Variants in PRKCZ observed in about 807,000 individuals in gnomAD.
PRKCZ encodes protein kinase C zeta, also known as protein kinase C zeta type.
In PRKCZ, 33 loss-of-function variants were observed where a neutral mutation model predicts 79.5. That is an observed-to-expected ratio of 0.41 (90% confidence interval 0.31 to 0.55). The LOEUF (loss-of-function observed/expected upper bound fraction) is 0.55. Among genes scored for constraint, PRKCZ ranks in the 20% least tolerant of loss-of-function variants. The probability of loss-of-function intolerance (pLI) is 0.19; values close to 1 mark genes in which losing one functional copy is unlikely to be tolerated. For synonymous variants in PRKCZ, 342 were observed against 320.9 expected (o/e 1.07, Z -0.70); for missense variants, 578 against 813.5 (o/e 0.71, Z 3.52).
At chr1:2,088,767 G>A (rs998715638) in intron 4 of PRKCZ, among the ~76,000 whole-genome samples, 4 of 152,196 alleles carry the variant, frequency 2.6e-5, no homozygotes, top group African/African-American at 9.7e-5. Flanking sequence ...ACAGACTCCA[G>A]CTGGGGCTCA....
In PRKCZ at chr1:2,128,954, C is replaced by G. The variant is rs975486587; in HGVS notation, c.335-6308C>G. Among the ~76,000 whole-genome samples, 6 of 152,130 alleles carry G rather than the reference C, an allele frequency of 3.9e-5. No homozygotes were observed. Among genetic ancestry groups the G allele is most frequent in the South Asian group, 2.1e-4 (1 of 4,834 alleles). ...CACTCCCCAGAAGGGCTCCCTTCTCCTTTTCACAGCGCTGTCTGTCGCTTA... is the reference window on the plus strand; with the variant it reads ...CACTCCCCAGAAGGGCTCCCTTCTCGTTTTCACAGCGCTGTCTGTCGCTTA... On this transcript the variant is annotated intron_variant, in intron 4 of 17. Transcript: ENST00000378567. This position sits in a 1 kb window ranked among gnomAD's most constrained non-coding sequence, Gnocchi z 6.5.
At chr1:2,109,602 C>G (rs899272442) in intron 4 of PRKCZ, among the ~76,000 whole-genome samples, 3 of 152,144 alleles carry the variant, frequency 2.0e-5, no homozygotes, top group African/African-American at 7.2e-5. Context: ...GTGGCTTCAG[C>G]GAGAGTCCAT....
chr1:2,124,685 CATAG>C (rs1673524372), intron 4 of PRKCZ, among the ~76,000 whole-genome samples: 1 of 152,108 alleles, frequency 6.6e-6, no homozygotes, highest in South Asian at 2.1e-4. Flanking sequence ...GAGACAGTTC[CATAG>C]GTCTTGATTG....
chr1:2,158,117 G>A (rs113249997), intron 10 of PRKCZ, among the ~76,000 whole-genome samples: 2 of 152,140 alleles, frequency 1.3e-5, no homozygotes, highest in Non-Finnish European at 2.9e-5. Flanking sequence ...GCCGTTCCCC[G>A]ACCTGCTCTA....
At position 2,172,896 on chromosome 1, in the gene PRKCZ, C is replaced by T. The variant is rs550075983; in HGVS notation, c.1285+508C>T. On this transcript the variant is annotated intron_variant, in intron 13 of 17. Transcript: ENST00000378567. The surrounding 1 kb of genome is among the most constrained non-coding windows in gnomAD (Gnocchi z 7.8). The stretch of plus-strand genomic sequence containing the variant: ...CGTGTGTGCGTGTGTGAAACGGGGA[C>T]GTGGGCACGCGTGTGCAGCCGTGTG... 9.8e-4 allele frequency among the ~76,000 whole-genome samples: 147 copies of T among 150,478 alleles called. 6 individuals are homozygous for T. Among genetic ancestry groups the T allele is most frequent in the Non-Finnish European group, 1.3e-4 (9 of 67,592 alleles).
At chr1:2,161,185 C>T (rs968352132) in intron 10 of PRKCZ, among the ~76,000 whole-genome samples, 5 of 152,212 alleles carry the variant, frequency 3.3e-5, no homozygotes, top group African/African-American at 1.2e-4. Flanking sequence ...TTTGTTCTGC[C>T]GACACACGGT....
intron 4 of PRKCZ, among the ~76,000 whole-genome samples, chr1:2,088,352 G>T (rs1378627794): frequency 6.6e-6 from 1 of 152,158 alleles, no homozygotes; most frequent in Non-Finnish European, 1.5e-5. Context: ...TGCAGTCTCA[G>T]CTCGGAGGCT....
chr1:2,054,615 C>T (rs188957391), intron 1 of PRKCZ, among the ~76,000 whole-genome samples: 243 of 152,020 alleles, frequency 1.6e-3, no homozygotes, highest in Non-Finnish European at 2.7e-3. Context: ...GCTGCAGCAA[C>T]GGACCCAGTG....
In PRKCZ at chr1:2,173,813, G is replaced by T. The variant is rs1254188557; in HGVS notation, c.1286-84G>T. On this transcript the variant is annotated intron_variant, in intron 13 of 17. Coordinates refer to ENST00000378567, the MANE Select transcript of PRKCZ (RefSeq NM_002744.6). The surrounding 1 kb of genome is among the most constrained non-coding windows in gnomAD (Gnocchi z 5.7). ...GCCTGGCTCACACTCGTGTCAACTG[G>T]GCATGAAAACCAACGCCAGCCAGGT... The T allele has an allele frequency of 6.7e-7, 1 of 1,501,286 alleles. No homozygotes were observed. The highest frequency in any genetic ancestry group is 8.9e-7 in the Non-Finnish European group (1 of 1,120,968). The allele number at this position is 1,501,286 out of a possible 1,614,324, so 93.0% of individuals were successfully genotyped here.
intron 4 of PRKCZ, among the ~76,000 whole-genome samples, chr1:2,120,710 CGCT>C (rs1671716986): frequency 1.3e-5 from 2 of 152,190 alleles, no homozygotes; most frequent in Non-Finnish European, 2.9e-5. Context: ...GGTTTTTTCC[CGCT>C]TTGTGCTTCA....
intron 3 of PRKCZ, among the ~76,000 whole-genome samples, 155 bp downstream of exon 3, chr1:2,056,728 A>AC (rs1660199016): frequency 7.1e-6 from 1 of 140,596 alleles, no homozygotes; most frequent in Non-Finnish European, 1.5e-5. Flanking sequence ...TTTTTCTTTG[A>AC]CTTTTTTTTT....
chr1:2,160,870 G>T (rs1051680092), intron 10 of PRKCZ, among the ~76,000 whole-genome samples: 1 of 152,152 alleles, frequency 6.6e-6, no homozygotes, highest in Non-Finnish European at 1.5e-5. Context: ...GGGTGATTGT[G>T]GTTGTGGGTG....
At chr1:2,085,258 G>C (rs557751702) in intron 4 of PRKCZ, among the ~76,000 whole-genome samples, 1 of 152,222 alleles carries the variant, frequency 6.6e-6, no homozygotes, top group African/African-American at 2.4e-5. Flanking sequence ...TGTACCATCC[G>C]CCCTACCTGG....
intron 4 of PRKCZ, among the ~76,000 whole-genome samples, chr1:2,122,813 C>T (rs1339305456): frequency 1.8e-4 from 1 of 5,548 alleles, no homozygotes; most frequent in Non-Finnish European, 3.6e-4. Context: ...AGGGTCGTGG[C>T]GGTGGTTAGG....
rs1325718102 is a variant in PRKCZ, at chr1:2,122,183, T to C, written c.335-13079T>C. ...TGGTTAGGGTCGTGGTGGTTAGGGT[T>C]GTGGTGGTTAGGGTGGTGGTGGTTA... On this transcript the variant is annotated intron_variant, in intron 4 of 17. Coordinates refer to ENST00000378567, the MANE Select transcript of PRKCZ (RefSeq NM_002744.6). Among the ~76,000 whole-genome samples, 11 of 2,490 alleles carry C rather than the reference T, an allele frequency of 4.4e-3. 2 individuals carry two copies. Among genetic ancestry groups the C allele is most frequent in the Admixed American group, 0.016 (2 of 122 alleles). The allele number at this position is 2,490 out of a possible 152,430, so 1.6% of individuals were successfully genotyped here.
At position 2,128,099 on chromosome 1, in the gene PRKCZ, G is replaced by C. The variant is rs560563307; in HGVS notation, c.335-7163G>C. On this transcript the variant is annotated intron_variant, in intron 4 of 17. Coordinates refer to ENST00000378567, the MANE Select transcript of PRKCZ (RefSeq NM_002744.6). The surrounding 1 kb of genome is among the most constrained non-coding windows in gnomAD (Gnocchi z 6.5). The stretch of plus-strand genomic sequence containing the variant: ...AGAGGTGGCAGCACCCATTTTACCT[G>C]CACCCTCAGTGACAGCTGCACCCTG... 2.8e-4 allele frequency among the ~76,000 whole-genome samples: 42 copies of C among 152,328 alleles called. No individual in the cohort carries two copies. In the South Asian group the frequency reaches 3.5e-3, roughly 13 times the overall value.
rs545061524 is a variant in PRKCZ, at chr1:2,148,996, G to A, written c.687+72G>A. ...AGTCTGTGAGCCTGTCTCTGGGGTA[G>A]TCACGGAAATCTAGATGTGAAATAG... On this transcript the variant is annotated intron_variant, in intron 8 of 17. Coordinates refer to ENST00000378567, the MANE Select transcript of PRKCZ (RefSeq NM_002744.6). 1.3e-5 allele frequency: 20 copies of A among 1,509,300 alleles called. No homozygotes were observed. The African/African-American group carries it at 2.5e-4, about 19-fold the overall frequency. The allele number at this position is 1,509,300 out of a possible 1,614,324, so 93.5% of individuals were successfully genotyped here. A position where few individuals can be genotyped will look rare whatever the true frequency, so the allele number is the denominator to read the frequency against.
Position 2,125,371 on chromosome 1 carries a change from T to C in PRKCZ, c.335-9891T>C, listed in dbSNP as rs1208968061. ...ATTAGGATATTTTCAGTAGAACTGA[T>C]TGTAAGGCCAGACTGTTGGAATGTA... is the stretch of plus-strand genomic sequence containing the variant. On this transcript the variant is annotated intron_variant, in intron 4 of 17. Coordinates refer to ENST00000378567, the MANE Select transcript of PRKCZ (RefSeq NM_002744.6). The surrounding 1 kb of genome is among the most constrained non-coding windows in gnomAD (Gnocchi z 4.2). 9.8e-5 allele frequency among the ~76,000 whole-genome samples: 15 copies of C among 152,346 alleles called. 1 individual carries two copies. The East Asian group carries it at 2.9e-3, about 29-fold the overall frequency.
intron 4 of PRKCZ, among the ~76,000 whole-genome samples, chr1:2,085,591 TG>T (rs1553138780): frequency 3.3e-5 from 5 of 151,418 alleles, no homozygotes; most frequent in African/African-American, 9.7e-5. Context: ...GCTGAGGATA[TG>T]GGGGGCCCTG....
Sources: gnomAD v4.1 joint callset for allele counts (sites outside exome capture counted in the v4.1 genomes callset) on GRCh38, gnomAD v4.1.1 for gene constraint, Gnocchi (gnomAD v3.1) non-coding constraint, MANE v1.5 for transcripts, NCBI Gene and HGNC (gene_info 2026-07-23, HGNC 2026-07-21) for gene names.